The following CPSF7 variants were observed in gnomAD, a reference collection of about 807,000 sequenced individuals.
CPSF7 encodes cleavage and polyadenylation specificity factor subunit 7.
CPSF7 carries 1 observed loss-of-function variant against 44.3 expected under a neutral mutation model. The ratio of observed to expected loss-of-function variants is 0.02; its 90% CI spans 0.01 to 0.11. The LOEUF (loss-of-function observed/expected upper bound fraction) is 0.11. Among genes scored for constraint, CPSF7 ranks in the 10% least tolerant of loss-of-function variants. The pLI, the probability that CPSF7 is intolerant of heterozygous loss-of-function variation, is 1.00. For synonymous variants in CPSF7, 202 were observed against 222.0 expected (o/e 0.91, Z 0.80); for missense variants, 443 against 607.2 (o/e 0.73, Z 2.84).
chr11:61,408,246 AGAGATGGGGTTT>A (rs1288119335), intron 9 of CPSF7, among the ~76,000 whole-genome samples: 1 of 151,742 alleles, frequency 6.6e-6, no homozygotes, highest in Admixed American at 6.6e-5. Flanking sequence ...TATTTTTAGT[AGAGATGGGGTTT>A]CACCGTGTTA....
Position 61,403,122 on chromosome 11 carries a change from T to A in CPSF7, c.*1588A>T, listed in dbSNP as rs903372212. ...AAAAAGCTCCAACCTGTAGCCTCTG[T>A]CCCAAGGGAATGTGCCTCTCCAATC... On this transcript the variant is annotated 3_prime_UTR_variant, in exon 10 of 10. Coordinates refer to ENST00000439958, the MANE Select transcript of CPSF7 (RefSeq NM_001142565.3). The A allele has an allele frequency of 2.0e-5, 3 of 152,412 alleles. No homozygotes were observed. Among genetic ancestry groups the A allele is most frequent in the African/African-American group, 7.2e-5 (3 of 41,398 alleles). The allele number at this position is 152,412 out of a possible 1,614,324, so 9.4% of individuals were successfully genotyped here. A position where few individuals can be genotyped will look rare whatever the true frequency, so the allele number is the denominator to read the frequency against.
chr11:61,405,844 CTG>C (rs1343291040), intron 9 of CPSF7: 2 of 152,160 alleles, frequency 1.3e-5, no homozygotes, highest in Non-Finnish European at 2.9e-5. Flanking sequence ...CTAAGCCTTC[CTG>C]GCCTGTCTAA....
intron 2 of CPSF7, chr11:61,426,602 T>C (rs969272963): frequency 2.6e-5 from 4 of 152,188 alleles, no homozygotes; most frequent in Non-Finnish European, 4.4e-5. Flanking sequence ...AACAAACTAT[T>C]GAGGCCAATA....
In CPSF7 at chr11:61,415,526, A is replaced by G. The variant is rs1022744327; in HGVS notation, c.1057+140T>C. 6.0e-5 allele frequency: 38 copies of G among 636,298 alleles called. No individual in the cohort carries two copies. The South Asian group carries it at 6.0e-4, about 10-fold the overall frequency. 39.4% of individuals were successfully genotyped at this position (636,298 alleles called of 1,614,324 possible). A position where few individuals can be genotyped will look rare whatever the true frequency, so the allele number is the denominator to read the frequency against. On this transcript the variant is annotated intron_variant, in intron 7 of 9. Coordinates refer to ENST00000439958, the MANE Select transcript of CPSF7 (RefSeq NM_001142565.3). ...CCAAGGCCAAGAAATCAGGTTACAT[A>G]TTGCTCTTCAAAGTATGCCGCTCTT...
intron 2 of CPSF7, chr11:61,427,026 C>CCAA (rs1554982139): frequency 3.7e-4 from 5 of 13,684 alleles, no homozygotes; most frequent in African/African-American, 5.4e-4. Flanking sequence ...GACTCTGTCT[C>CCAA]AAAAAAAAAA....
intron 5 of CPSF7, 34 bp from the exon 6 acceptor site, chr11:61,416,553 A>AGGCTTT (rs1860359296): frequency 6.2e-7 from 1 of 1,608,364 alleles, no homozygotes; most frequent in East Asian, 2.2e-5. Flanking sequence ...GTTACTGCCC[A>AGGCTTT]GGCTTTACAC....
chr11:61,429,908 C>T lies in CPSF7; in HGVS notation c.-56+6G>A, dbSNP rs1407418429. On this transcript the variant is annotated splice_donor_region_variant and intron_variant, in intron 1 of 9. Transcript: ENST00000439958. Reference sequence around the variant, plus strand: ...CAACCTGCCCCCGACCGCGCGCCCCCGTTACCGGGAATATGGCGGCGGCGG... The same window carrying T: ...CAACCTGCCCCCGACCGCGCGCCCCTGTTACCGGGAATATGGCGGCGGCGG... 3 of 1,501,220 alleles carry T rather than the reference C, an allele frequency of 2.0e-6. No individual in the cohort carries two copies. Among genetic ancestry groups the T allele is most frequent in the Admixed American group, 2.1e-5 (1 of 48,180 alleles). The allele number at this position is 1,501,220 out of a possible 1,614,324, so 93.0% of individuals were successfully genotyped here. A position where few individuals can be genotyped will look rare whatever the true frequency, so the allele number is the denominator to read the frequency against.
At chr11:61,408,095 C>T (rs1382507465) in intron 9 of CPSF7, among the ~76,000 whole-genome samples, 30 of 145,726 alleles carry the variant, frequency 2.1e-4, no homozygotes, top group African/African-American at 7.1e-4. Context: ...CTCACTCTGT[C>T]GCCCAGGCTG....
Position 61,411,901 on chromosome 11 carries a change from G to A in CPSF7, c.1094C>T (p.Ala365Val). Residue 365 changes from alanine to valine, a missense_variant, in exon 8 of 10, where the codon GCC becomes GTC. Physicochemically the swap from Ala to Val is moderately conservative, Grantham distance 64. Coordinates refer to ENST00000439958, the MANE Select transcript of CPSF7 (RefSeq NM_001142565.3). ...CCGGGACTGTTTGATAACCGCAATG[G>A]CTGTGAGCAGCGTCTCAATTGCGTC... ...YSDAIETLLT[A>V]IAVIKQSRVA... 1.9e-6 allele frequency: 3 copies of A among 1,614,192 alleles called. No individual in the cohort carries two copies. The highest frequency in any genetic ancestry group is 2.5e-6 in the Non-Finnish European group (3 of 1,180,020).
At chr11:61,421,062 C>T (rs1004266057) in intron 3 of CPSF7, 2 of 1,344,412 alleles carry the variant, frequency 1.5e-6, no homozygotes, top group African/African-American at 2.9e-5. Flanking sequence ...ACCATTATCA[C>T]AGGACCATCT....
intron 2 of CPSF7, among the ~76,000 whole-genome samples, chr11:61,428,351 GTT>G (rs199683378): frequency 1.3e-5 from 2 of 151,024 alleles, no homozygotes; most frequent in African/African-American, 4.9e-5. Context: ...TCTCGTTGTT[GTT>G]TTTTTTTACA....
chr11:61,413,128 T>C (rs750717326), intron 7 of CPSF7, among the ~76,000 whole-genome samples: 15 of 152,100 alleles, frequency 9.9e-5, no homozygotes, highest in African/African-American at 9.7e-5. Context: ...TCTCACTATG[T>C]TGACCAGGCT....
chr11:61,405,374 C>T (rs1030588867), intron 9 of CPSF7, among the ~76,000 whole-genome samples: 1 of 152,148 alleles, frequency 6.6e-6, no homozygotes, highest in Non-Finnish European at 1.5e-5. Flanking sequence ...TTAAGTCTTT[C>T]CTCGCATGAC....
intron 9 of CPSF7, among the ~76,000 whole-genome samples, chr11:61,409,345 G>A (rs1293644033): frequency 3.3e-5 from 5 of 151,746 alleles, no homozygotes; most frequent in East Asian, 3.9e-4. Context: ...GGTGGTGGGC[G>A]CTTGTAATCC....
intron 9 of CPSF7, among the ~76,000 whole-genome samples, chr11:61,405,392 G>A (rs963446424): frequency 6.6e-6 from 1 of 152,222 alleles, no homozygotes; most frequent in Non-Finnish European, 1.5e-5. Context: ...GACAGCCATA[G>A]GTGAGGAACC....
At position 61,429,947 on chromosome 11, in the gene CPSF7, C is replaced by G. The variant is rs543768577; in HGVS notation, c.-89G>C. The G allele has an allele frequency of 1.0e-5, 14 of 1,398,022 alleles. No homozygotes were observed. The East Asian group carries it at 1.8e-4, about 18-fold the overall frequency. 86.6% of individuals were successfully genotyped at this position (1,398,022 alleles called of 1,614,324 possible). Reference sequence around the variant, plus strand: ...TGGCGGCGGCGGCGGCGAGTCCGGACTAGGCCCGAAGCGCGCGAACCGCTC... The same window carrying G: ...TGGCGGCGGCGGCGGCGAGTCCGGAGTAGGCCCGAAGCGCGCGAACCGCTC... On this transcript the variant is annotated 5_prime_UTR_variant, in exon 1 of 10. Coordinates refer to ENST00000439958, the MANE Select transcript of CPSF7 (RefSeq NM_001142565.3).
chr11:61,419,829 C>T (rs1288828271), intron 5 of CPSF7, 120 bp downstream of exon 5: 29 of 1,254,960 alleles, frequency 2.3e-5, no homozygotes, highest in Non-Finnish European at 3.1e-5. Context: ...CACCATCACC[C>T]TCCCCCAAAC....
intron 2 of CPSF7, 68 bp downstream of exon 2, chr11:61,429,114 T>A (rs1861678226): frequency 1.1e-6 from 1 of 937,962 alleles, no homozygotes; most frequent in African/African-American, 1.6e-5. Flanking sequence ...TTGAAACCAC[T>A]GCCAGTTTGC....
rs1464380016 is a variant in CPSF7 at position 61,419,943 on chromosome 11, A to C, written c.523+6T>G. On this transcript the variant is annotated splice_donor_region_variant and intron_variant, in intron 5 of 9. Transcript: ENST00000439958. ...GTACCCCCTCTTGGGACTCGGACAC[A>C]CTCACGTTTCCGAGCCTGTGCCTCA... 6.2e-7 allele frequency: 1 copy of C among 1,612,186 alleles called. No individual in the cohort carries two copies.
Sources: gnomAD v4.1 joint callset for allele counts (sites outside exome capture counted in the v4.1 genomes callset) on GRCh38, gnomAD v4.1.1 for gene constraint, MANE v1.5 for transcripts, NCBI Gene and HGNC (gene_info 2026-07-23, HGNC 2026-07-21) for gene names.